Variants in NBPF15 observed in about 807,000 individuals in gnomAD.
NBPF15 encodes NBPF family member NBPF15.
In NBPF15, 74 loss-of-function variants were observed where a neutral mutation model predicts 62.2. The ratio of observed to expected loss-of-function variants is 1.19; its 90% confidence interval spans 0.99 to 1.44. NBPF15 has a LOEUF of 1.44. Among genes scored for constraint, NBPF15 ranks in the 40% most tolerant of loss-of-function variants. The probability of loss-of-function intolerance (pLI) is 0.00; values close to 1 mark genes in which losing one functional copy is unlikely to be tolerated. For missense variants in NBPF15, 790 were observed against 550.0 expected (o/e 1.44, Z -4.36); for synonymous variants, 244 against 209.7 (o/e 1.16, Z -1.41).
chr1:144,426,178 A>G (rs1669480761), intron 18 of NBPF15, 100 bp downstream of exon 18: 5 of 647,982 alleles, frequency 7.7e-6, no homozygotes, highest in Middle Eastern at 4.0e-4. Flanking sequence ...GCCTGCGGCA[A>G]TGACATCTCT....
At chr1:144,458,868 A>T (rs868964976) in intron 3 of NBPF15, among the ~76,000 whole-genome samples, 2 of 147,612 alleles carry the variant, frequency 1.4e-5, no homozygotes, top group Non-Finnish European at 3.0e-5. Context: ...GTTGAATCCC[A>T]ATCTCTACAA....
In NBPF15 at chr1:144,458,183, C is replaced by T. The variant is rs371213195; in HGVS notation, c.-701+1183G>A. Among the ~76,000 whole-genome samples the T allele has an allele frequency of 1.4e-4, 22 of 152,012 alleles. No homozygotes were observed. The East Asian group carries it at 2.3e-3, about 16-fold the overall frequency. ...CACGTCGGCCCTTTAAATGGCTTAACGCTTATTTAGGTACGATCCATAAAG... is the reference window on the plus strand; with the variant it reads ...CACGTCGGCCCTTTAAATGGCTTAATGCTTATTTAGGTACGATCCATAAAG... On this transcript the variant is annotated intron_variant, in intron 3 of 21. Coordinates refer to ENST00000581897, the MANE Select transcript of NBPF15 (RefSeq NM_001385408.1).
chr1:144,426,590 T>G, intron 17 of NBPF15, 140 bp from the exon 18 acceptor site: 1 of 708,562 alleles, frequency 1.4e-6, no homozygotes, highest in Non-Finnish European at 2.6e-6. Flanking sequence ...AATTATTGCC[T>G]TTATGTTGGG....
At chr1:144,437,596 G>T (rs1265923357) in intron 9 of NBPF15, among the ~76,000 whole-genome samples, 2 of 150,356 alleles carry the variant, frequency 1.3e-5, no homozygotes, top group Non-Finnish European at 3.0e-5. Flanking sequence ...AGTCAGTCAG[G>T]AGGTGATTCT....
chr1:144,428,772 G>A (rs1671923561), intron 14 of NBPF15, 115 bp from the exon 15 acceptor site: 5 of 609,440 alleles, frequency 8.2e-6, no homozygotes, highest in African/African-American at 1.9e-5. Context: ...GTGAGAACAG[G>A]AGACTTTGAG....
intron 17 of NBPF15, among the ~76,000 whole-genome samples, chr1:144,426,709 G>T (rs1187103455): frequency 1.3e-5 from 2 of 151,696 alleles, no homozygotes; most frequent in Non-Finnish European, 2.9e-5. Context: ...CACTGATGAA[G>T]GGGTCAAAGG....
chr1:144,447,668 A>G (rs1553544564), intron 6 of NBPF15, among the ~76,000 whole-genome samples: 1 of 152,022 alleles, frequency 6.6e-6, no homozygotes, highest in African/African-American at 2.4e-5. Flanking sequence ...GCCAGGTGAC[A>G]CTAATATCCC....
In NBPF15 at chr1:144,439,991, C is replaced by G. The variant is rs1220588081; in HGVS notation, c.13G>C (p.Ala5Pro). Residue 5 changes from alanine to proline, a missense_variant, in exon 8 of 22, where the codon GCC becomes CCC. Ala to Pro is a conservative substitution (Grantham distance 27, BLOSUM62 -1). Coordinates refer to ENST00000581897, the MANE Select transcript of NBPF15 (RefSeq NM_001385408.1). Reference sequence around the variant, plus strand: ...GCCTTCTCGCTGGACAAAGGGCCGGCTGATACCACCATGCTGACGTTTGTG... The same window carrying G: ...GCCTTCTCGCTGGACAAAGGGCCGGGTGATACCACCATGCTGACGTTTGTG... MVVS[A>P]GPLSSEKAEM... is the part of the protein sequence containing the mutation. The G allele has an allele frequency of 1.9e-6, 3 of 1,608,634 alleles. No individual in the cohort carries two copies. The highest frequency in any genetic ancestry group is 1.3e-5 in the African/African-American group (1 of 74,906).
In NBPF15 at chr1:144,440,182, C is replaced by A. The variant is rs1681740602; in HGVS notation, c.-77G>T. ...ATCACTCCCCACAGCACTTTAGGAT[C>A]CTTCACCACAAAAACAAGGTTCGAG... is the stretch of plus-strand genomic sequence containing the variant. On this transcript the variant is annotated 5_prime_UTR_variant, in exon 7 of 22. Coordinates refer to ENST00000581897, the MANE Select transcript of NBPF15 (RefSeq NM_001385408.1). 1.3e-6 allele frequency: 2 copies of A among 1,548,598 alleles called. No homozygotes were observed. Among genetic ancestry groups the A allele is most frequent in the East Asian group, 2.3e-5 (1 of 43,738 alleles).
rs1553538757 is a variant in NBPF15, at chr1:144,423,856, T to A, written c.1769+14A>T. ...TTAACACAGAATTAAGCATCCACAATTGCTGAAAGTTACCTGGGGCATGGT... is the reference window on the plus strand; with the variant it reads ...TTAACACAGAATTAAGCATCCACAAATGCTGAAAGTTACCTGGGGCATGGT... On this transcript the variant is annotated intron_variant, in intron 21 of 21. Transcript: ENST00000581897. 1.3e-6 allele frequency: 1 copy of A among 764,366 alleles called. No homozygotes were observed. The highest frequency in any genetic ancestry group is 1.7e-5 in the African/African-American group (1 of 58,984). 47.3% of individuals were successfully genotyped at this position (764,366 alleles called of 1,614,324 possible).
chr1:144,449,722 A>T, intron 5 of NBPF15, among the ~76,000 whole-genome samples: 1 of 151,016 alleles, frequency 6.6e-6, no homozygotes, highest in South Asian at 2.1e-4. Flanking sequence ...GCCCAGCTCC[A>T]TTTCCAAACT....
At position 144,422,863 on chromosome 1, in the gene NBPF15, A is replaced by T; in HGVS notation, c.*150T>A. 2.5e-6 allele frequency: 4 copies of T among 1,572,148 alleles called. No homozygotes were observed. Among genetic ancestry groups the T allele is most frequent in the Non-Finnish European group, 3.4e-6 (4 of 1,159,986 alleles). On this transcript the variant is annotated 3_prime_UTR_variant, in exon 22 of 22. Coordinates refer to ENST00000581897, the MANE Select transcript of NBPF15 (RefSeq NM_001385408.1). ...GTCTTCAGATTGAGCACAGGTTGCC[A>T]ATGGCATGGTTTGAGAATAGGAATA... is the stretch of plus-strand genomic sequence containing the variant.
intron 18 of NBPF15, 38 bp downstream of exon 18, chr1:144,426,240 C>G (rs1165030200): frequency 1.8e-6 from 1 of 566,956 alleles, no homozygotes; most frequent in Non-Finnish European, 3.1e-6. Flanking sequence ...TCTGGAAGAC[C>G]AGGTGGAGGC....
chr1:144,458,775 C>A (rs1230322804), intron 3 of NBPF15, among the ~76,000 whole-genome samples: 1 of 152,126 alleles, frequency 6.6e-6, no homozygotes. Context: ...TGGGGTGGCT[C>A]ATGCCTGTAA....
chr1:144,435,029 T>C, intron 12 of NBPF15, 82 bp downstream of exon 12: 1 of 1,610,566 alleles, frequency 6.2e-7, no homozygotes, highest in Non-Finnish European at 8.5e-7. Flanking sequence ...TTCAAATGAA[T>C]TTGTGTTGAT....
intron 16 of NBPF15, among the ~76,000 whole-genome samples, chr1:144,427,574 G>A (rs1316602631): frequency 8.8e-5 from 13 of 147,292 alleles, no homozygotes; most frequent in Middle Eastern, 3.4e-3. Flanking sequence ...CAGGTCCAAC[G>A]TCATGAGAGT....
intron 20 of NBPF15, 87 bp from the exon 21 acceptor site, chr1:144,424,062 C>T (rs1428116707): frequency 1.2e-5 from 9 of 757,908 alleles, no homozygotes; most frequent in Admixed American, 5.1e-5. Context: ...ACACAGGGAC[C>T]TCAGGCTCCT....
At chr1:144,424,636 T>A in intron 20 of NBPF15, 54 bp downstream of exon 20, 1 of 644,332 alleles carries the variant, frequency 1.6e-6, no homozygotes, top group Non-Finnish European at 2.8e-6. Flanking sequence ...AGGAATATGA[T>A]CTTTATATGG....
At chr1:144,424,378 G>T (rs1469212358) in intron 20 of NBPF15, among the ~76,000 whole-genome samples, 6 of 151,534 alleles carry the variant, frequency 4.0e-5, no homozygotes, top group Middle Eastern at 3.2e-3. Flanking sequence ...GAGTGAAAAA[G>T]GAAATCTACA....
Sources: gnomAD v4.1 joint callset for allele counts (sites outside exome capture counted in the v4.1 genomes callset) on GRCh38, gnomAD v4.1.1 for gene constraint, MANE v1.5 for transcripts, NCBI Gene and HGNC (gene_info 2026-07-23, HGNC 2026-07-21) for gene names.